RAPH1: variants seen among roughly 807,000 people sequenced by gnomAD.
The protein encoded by RAPH1 is Ras association (RalGDS/AF-6) and pleckstrin homology domains 1, also known as ras-associated and pleckstrin homology domains-containing protein 1.
A neutral mutation model predicts 88.1 loss-of-function variants in RAPH1; 18 were observed. The observed-to-expected ratio is 0.20, with a 90% CI of 0.14 to 0.30. The LOEUF is 0.30. Among genes scored for constraint, RAPH1 ranks in the 10% least tolerant of loss-of-function variants. The pLI is 1.00. For synonymous variants in RAPH1, 587 were observed against 559.0 expected (o/e 1.05, Z -0.71); for missense variants, 1,448 against 1,543.2 (o/e 0.94, Z 1.03).
intron 3 of RAPH1, 149 bp from the exon 4 acceptor site, chr2:203,490,238 G>T: frequency 1.3e-6 from 1 of 794,892 alleles, no homozygotes; most frequent in Non-Finnish European, 1.9e-6. Flanking sequence ...TAAATTCCAA[G>T]ATAAATTTTT....
rs1689092309 is a variant in RAPH1 at position 203,506,864 on chromosome 2, A to ATATATATATATC, written c.1-11512_1-11511insGATATATATATA. Among the ~76,000 whole-genome samples the ATATATATATATC allele has an allele frequency of 5.9e-4, 18 of 30,556 alleles. 1 individual carries two copies. Among genetic ancestry groups the ATATATATATATC allele is most frequent in the African/African-American group, 1.5e-3 (16 of 10,718 alleles). 20.0% of individuals were successfully genotyped at this position (30,556 alleles called of 152,430 possible). ...TATATATCTATCTATATCTATATATATATATATATATATATAGATATATAT... is the reference window on the plus strand; with the variant it reads ...TATATATCTATCTATATCTATATATATATATATATATCTATATATATATATATAGATATATAT... On this transcript the variant is annotated intron_variant, in intron 1 of 13. Transcript: ENST00000319170.
chr2:203,440,783 G>A lies in RAPH1; in HGVS notation c.2407C>T (p.Pro803Ser). Residue 803 changes from proline (P) to serine (S), a missense_variant, in exon 14 of 14, where the codon CCA becomes TCA. By Grantham distance (74) the Pro-to-Ser change is moderately conservative (BLOSUM62 -1). Transcript: ENST00000319170. Reference protein sequence around the residue: ...TVAPVVTQAAPPTPTPPVPPA... With the variant: ...TVAPVVTQAASPTPTPPVPPA... ...GGCACTGGAGGAGTAGGTGTGGGTG[G>A]TGCAGCTTGAGTCACAACAGGTGCC... 2 of 1,610,592 alleles carry A rather than the reference G, an allele frequency of 1.2e-6. No homozygotes were observed. The highest frequency in any genetic ancestry group is 2.2e-5 in the South Asian group (2 of 90,580).
chr2:203,502,551 C>CTT (rs546493269), intron 1 of RAPH1, among the ~76,000 whole-genome samples: 81 of 152,286 alleles, frequency 5.3e-4, no homozygotes, highest in African/African-American at 1.8e-3. Context: ...TTATCAGGCA[C>CTT]TTAAATGAAC....
At chr2:203,481,594 T>TATAC (rs1168528105) in intron 4 of RAPH1, among the ~76,000 whole-genome samples, 1 of 131,916 alleles carries the variant, frequency 7.6e-6, no homozygotes, top group African/African-American at 2.7e-5. Context: ...TATATATATA[T>TATAC]ACACATTTTT....
chr2:203,515,586 G>A (rs755836818), intron 1 of RAPH1, among the ~76,000 whole-genome samples: 9 of 152,138 alleles, frequency 5.9e-5, no homozygotes, highest in Non-Finnish European at 5.9e-5. Flanking sequence ...TGTTAAGAAC[G>A]GGGCTGTCTG....
chr2:203,442,261 A>C (rs1350629577), intron 13 of RAPH1: 1 of 535,822 alleles, frequency 1.9e-6, no homozygotes. Context: ...TGAAATGATC[A>C]CATCTGGTAG....
At chr2:203,512,018 C>A (rs769285025) in intron 1 of RAPH1, among the ~76,000 whole-genome samples, 2 of 151,716 alleles carry the variant, frequency 1.3e-5, no homozygotes, top group African/African-American at 4.8e-5. Flanking sequence ...GAGGCTGAGG[C>A]AGGAGAATCG....
chr2:203,461,308 G>A lies in RAPH1; in HGVS notation c.911C>T (p.Ser304Phe). 6.2e-7 allele frequency: 1 copy of A among 1,608,968 alleles called. No homozygotes were observed. Residue 304 changes from serine (S) to phenylalanine (F), a missense_variant, in exon 6 of 14, where the codon TCC (serine) becomes TTC (phenylalanine). By Grantham distance (155) the Ser-to-Phe change is radical. Coordinates refer to ENST00000319170, the MANE Select transcript of RAPH1 (RefSeq NM_213589.3). ...CCAGTCTAAACTATAACCGCAGTGG[G>A]ATTTGTCCATCAGGTTATCCAGTAC... ...RQVLDNLMDK[S>F]HCGYSLDWSL... is the part of the protein sequence containing the mutation.
At chr2:203,528,131 A>G (rs935430522) in intron 1 of RAPH1, among the ~76,000 whole-genome samples, 4 of 152,202 alleles carry the variant, frequency 2.6e-5, no homozygotes, top group African/African-American at 9.6e-5. Context: ...TTCTGTTGTA[A>G]GTGGCTGTGC....
rs777559182 is a variant in RAPH1 at position 203,495,188 on chromosome 2, C to T, written c.120+46G>A. 8 of 1,610,100 alleles carry T rather than the reference C, an allele frequency of 5.0e-6. No homozygotes were observed. In the South Asian group the frequency reaches 8.8e-5, roughly 18 times the overall value. On this transcript the variant is annotated intron_variant, in intron 2 of 13. Transcript: ENST00000319170. ...TCTTCTGCACATTAAACTTTTAACA[C>T]AATGGTGACTTCAAATCCTCAACCA...
At chr2:203,490,167 C>A in intron 3 of RAPH1, 78 bp from the exon 4 acceptor site, 1 of 1,351,630 alleles carries the variant, frequency 7.4e-7, no homozygotes, top group Non-Finnish European at 1.0e-6. Flanking sequence ...GGTGATGAAG[C>A]AAAAGAATAT....
In RAPH1 at chr2:203,434,903, C is replaced by CTT. The variant is rs1444700164; in HGVS notation, c.*4532_*4533dup. 2 of 152,586 alleles carry CTT rather than the reference C, an allele frequency of 1.3e-5. No individual in the cohort carries two copies. The highest frequency in any genetic ancestry group is 3.8e-4 in the East Asian group (2 of 5,196). 9.5% of individuals were successfully genotyped at this position (152,586 alleles called of 1,614,324 possible). ...GGGTAGTGATGTCTCTTGTGAGACA[C>CTT]TTTTCATTTCTGCCAAAACTAGAAA... On this transcript the variant is annotated 3_prime_UTR_variant, in exon 14 of 14. Coordinates refer to ENST00000319170, the MANE Select transcript of RAPH1 (RefSeq NM_213589.3).
intron 4 of RAPH1, among the ~76,000 whole-genome samples, chr2:203,487,147 G>T (rs981746991): frequency 4.6e-5 from 7 of 152,142 alleles, no homozygotes; most frequent in Non-Finnish European, 8.8e-5. Flanking sequence ...GGTATTAGAA[G>T]ATCCTTAATG....
intron 4 of RAPH1, among the ~76,000 whole-genome samples, chr2:203,464,548 G>A (rs2098526936): frequency 6.6e-6 from 1 of 152,224 alleles, no homozygotes; most frequent in South Asian, 2.1e-4. Context: ...TGGGATTACA[G>A]GCATGAGCCA....
At chr2:203,468,512 C>A (rs1021312769) in intron 4 of RAPH1, among the ~76,000 whole-genome samples, 1 of 152,156 alleles carries the variant, frequency 6.6e-6, no homozygotes, top group Non-Finnish European at 1.5e-5. Flanking sequence ...ATAAAATGTA[C>A]CCCAATCTTT....
chr2:203,528,269 G>A (rs1285770220), intron 1 of RAPH1, among the ~76,000 whole-genome samples: 1 of 151,288 alleles, frequency 6.6e-6, no homozygotes, highest in African/African-American at 2.4e-5. Context: ...AAAAAAAAAT[G>A]TGTCATCTTA....
At chr2:203,461,202 A>C (rs574583838) in intron 6 of RAPH1, 47 bp downstream of exon 6, 4 of 1,277,792 alleles carry the variant, frequency 3.1e-6, no homozygotes. Flanking sequence ...AAAACTGATG[A>C]AATTACACAA....
In RAPH1 at chr2:203,441,122, G is replaced by C. The variant is rs768398080; in HGVS notation, c.2068C>G (p.Pro690Ala). Residue 690 changes from proline (P) to alanine (A), a missense_variant, in exon 14 of 14, where the codon CCA becomes GCA. Transcript: ENST00000319170. ...TTCACTGACTGTGACTGCATCACTG[G>C]GGGTGTTGGCGGCTTAAACAGGGCC... ...SGALFKPPTP[P>A]VMQSQSVKPQ... 4 of 1,612,326 alleles carry C rather than the reference G, an allele frequency of 2.5e-6. No homozygotes were observed. In the South Asian group the frequency reaches 3.3e-5, roughly 13 times the overall value.
intron 1 of RAPH1, among the ~76,000 whole-genome samples, chr2:203,520,105 A>T (rs539853430): frequency 3.3e-5 from 5 of 152,242 alleles, no homozygotes; most frequent in African/African-American, 1.2e-4. Context: ...AGGTGGGTGG[A>T]TGGCTTGAGC....
Sources: gnomAD v4.1 joint callset for allele counts (sites outside exome capture counted in the v4.1 genomes callset) on GRCh38, gnomAD v4.1.1 for gene constraint, MANE v1.5 for transcripts, NCBI Gene and HGNC (gene_info 2026-07-23, HGNC 2026-07-21) for gene names.